Variants in UGT1A7 observed in about 807,000 individuals in gnomAD.
UGT1A7 encodes the protein UDP-glucuronosyltransferase 1A7.
A neutral mutation model predicts 45.6 loss-of-function variants in UGT1A7; 33 were observed. That is an observed-to-expected ratio of 0.72 (90% confidence interval 0.55 to 0.97). The LOEUF (loss-of-function observed/expected upper bound fraction) is 0.97, where lower values mean the gene tolerates loss of function less well. Ranked by LOEUF, UGT1A7 falls within the 50% of genes least tolerant of loss-of-function variation. The pLI, the probability that UGT1A7 is intolerant of heterozygous loss-of-function variation, is 0.00. For synonymous variants in UGT1A7, 274 were observed against 250.6 expected (o/e 1.09, Z -0.88); for missense variants, 684 against 666.2 (o/e 1.03, Z -0.29).
rs191743341 is a variant in UGT1A7, at chr2:233,705,148, A to G, written c.855+22356A>G. 9.8e-3 allele frequency among the ~76,000 whole-genome samples: 1,473 copies of G among 150,974 alleles called. 22 individuals are homozygous for G. The highest frequency in any genetic ancestry group is 0.033 in the African/African-American group (1,371 of 40,938). On this transcript the variant is annotated intron_variant, in intron 1 of 4. Transcript: ENST00000373426. ...CGAGACTTCGTCTGAAAAAAAAAAA[A>G]AGAGAGAGAGAGAGAGAATAAAGGG...
intron 1 of UGT1A7, among the ~76,000 whole-genome samples, chr2:233,683,208 A>G (rs1430316292): frequency 6.6e-6 from 1 of 152,056 alleles, no homozygotes; most frequent in Non-Finnish European, 1.5e-5. Flanking sequence ...TGTCACTTCT[A>G]TTTTATCAAT....
intron 1 of UGT1A7, chr2:233,740,628 A>G (rs1368948290): frequency 1.3e-5 from 2 of 151,808 alleles, no homozygotes; most frequent in Non-Finnish European, 2.9e-5. Flanking sequence ...TCACAGGGTC[A>G]TGCCTTTCCT....
intron 1 of UGT1A7, among the ~76,000 whole-genome samples, chr2:233,723,073 C>A (rs1176866455): frequency 2.1e-5 from 3 of 141,128 alleles, no homozygotes; most frequent in Non-Finnish European, 3.0e-5. Flanking sequence ...GGAAATATAT[C>A]ATCATTTTTG....
intron 1 of UGT1A7, among the ~76,000 whole-genome samples, chr2:233,735,518 T>G (rs2078663521): frequency 6.6e-6 from 1 of 152,220 alleles, no homozygotes; most frequent in South Asian, 2.1e-4. Context: ...ACATTTAAGG[T>G]AAATATTGTT....
intron 1 of UGT1A7, among the ~76,000 whole-genome samples, chr2:233,698,442 C>G (rs2075441449): frequency 1.3e-5 from 2 of 152,140 alleles, no homozygotes; most frequent in African/African-American, 4.8e-5. Flanking sequence ...GAAGATATAT[C>G]ACAGATCATA....
rs773612653 is a variant in UGT1A7 at position 233,729,922 on chromosome 2, C to A, written c.856-37112C>A. 11 of 1,614,018 alleles carry A rather than the reference C, an allele frequency of 6.8e-6. No individual in the cohort carries two copies. The South Asian group carries it at 9.9e-5, about 15-fold the overall frequency. ...CCGAGGGGACTTTGTGATGGACTAC[C>A]CCAGGCCAATCATGCCCAACATGGT... On this transcript the variant is annotated intron_variant, in intron 1 of 4. Transcript: ENST00000373426.
At chr2:233,732,918 GA>G (rs2078336060) in intron 1 of UGT1A7, among the ~76,000 whole-genome samples, 1 of 151,996 alleles carries the variant, frequency 6.6e-6, no homozygotes, top group South Asian at 2.1e-4. Flanking sequence ...CCATTTTCAC[GA>G]TATTGATTCT....
At chr2:233,756,551 C>G (rs1440983818) in intron 1 of UGT1A7, among the ~76,000 whole-genome samples, 1 of 152,076 alleles carries the variant, frequency 6.6e-6, no homozygotes, top group East Asian at 1.9e-4. Context: ...CTAAAACAAC[C>G]AGGGAGATCC....
intron 1 of UGT1A7, among the ~76,000 whole-genome samples, chr2:233,737,541 G>A (rs576280713): frequency 6.6e-6 from 1 of 152,104 alleles, no homozygotes; most frequent in African/African-American, 2.4e-5. Flanking sequence ...GCCCTGCTTC[G>A]GCTTGCCCTC....
chr2:233,692,633 C>T (rs969401857), intron 1 of UGT1A7, among the ~76,000 whole-genome samples: 2 of 152,124 alleles, frequency 1.3e-5, no homozygotes, highest in Non-Finnish European at 2.9e-5. Context: ...TAACAGACAA[C>T]GTCAATGATG....
At chr2:233,718,272 G>A (rs551154473) in intron 1 of UGT1A7, among the ~76,000 whole-genome samples, 19 of 152,280 alleles carry the variant, frequency 1.2e-4, no homozygotes, top group Admixed American at 2.6e-4. Context: ...TGTGAAAAAA[G>A]ACCAAAACCA....
rs533353525 is a variant in UGT1A7 at position 233,716,906 on chromosome 2, C to T, written c.855+34114C>T. ...GCCCAGACCCCTCCTCATCTCCAGA[C>T]CCTGGAAGCTGATGCCTTGGGCAGC... On this transcript the variant is annotated intron_variant, in intron 1 of 4. Transcript: ENST00000373426. 3.3e-5 allele frequency among the ~76,000 whole-genome samples: 5 copies of T among 152,262 alleles called. No individual in the cohort carries two copies. The South Asian group carries it at 8.3e-4, about 25-fold the overall frequency.
At chr2:233,691,212 C>T (rs1158477885) in intron 1 of UGT1A7, 4 of 985,482 alleles carry the variant, frequency 4.1e-6, no homozygotes, top group Non-Finnish European at 4.8e-6. Context: ...GTTCCCTTTG[C>T]AACCTTCCTG....
At chr2:233,757,045 G>A (rs1250213092) in intron 1 of UGT1A7, among the ~76,000 whole-genome samples, 2 of 151,734 alleles carry the variant, frequency 1.3e-5, no homozygotes, top group Non-Finnish European at 2.9e-5. Flanking sequence ...ATCAAAGGAA[G>A]TTTGGGGAAC....
At chr2:233,696,371 G>A (rs1260182364) in intron 1 of UGT1A7, among the ~76,000 whole-genome samples, 2 of 151,972 alleles carry the variant, frequency 1.3e-5, no homozygotes, top group African/African-American at 4.8e-5. Context: ...TTATTCCTAG[G>A]TATTATATAT....
intron 1 of UGT1A7, chr2:233,690,719 C>G: frequency 2.0e-5 from 24 of 1,214,918 alleles, no homozygotes; most frequent in Non-Finnish European, 2.5e-5. Context: ...TTATGACGAA[C>G]AGACATGCCA....
chr2:233,754,878 C>G (rs1478307261), intron 1 of UGT1A7: 1 of 1,352,412 alleles, frequency 7.4e-7, no homozygotes, highest in Non-Finnish European at 9.9e-7. Context: ...GCTTCTGCTT[C>G]CCAGGGAGTT....
At chr2:233,705,327 A>G (rs922136866) in intron 1 of UGT1A7, among the ~76,000 whole-genome samples, 6 of 152,132 alleles carry the variant, frequency 3.9e-5, no homozygotes, top group African/African-American at 1.4e-4. Context: ...TCAGCAACAC[A>G]TTCTCTCAAT....
At chr2:233,717,510 G>C (rs1057270188) in intron 1 of UGT1A7, among the ~76,000 whole-genome samples, 15 of 152,198 alleles carry the variant, frequency 9.9e-5, no homozygotes, top group African/African-American at 3.6e-4. Flanking sequence ...ATTTCTAATG[G>C]GAGTAACTTC....
Sources: allele counts gnomAD v4.1 joint callset (sites outside exome capture counted in the v4.1 genomes callset), GRCh38; gene constraint gnomAD v4.1.1; transcripts MANE v1.5; gene names NCBI Gene and HGNC (gene_info 2026-07-23, HGNC 2026-07-21).